Variants in MTHFD1L observed in about 807,000 individuals in gnomAD.
MTHFD1L encodes the protein monofunctional C1-tetrahydrofolate synthase, mitochondrial.
Under a neutral mutation model 119.5 loss-of-function variants are expected in MTHFD1L, and 81 were observed. The observed-to-expected ratio is 0.68, with a 90% confidence interval of 0.57 to 0.82. The LOEUF is 0.82. MTHFD1L is among the 40% of genes least tolerant of loss of function. The pLI is 0.00. For synonymous variants in MTHFD1L, 430 were observed against 475.2 expected (o/e 0.90, Z 1.24); for missense variants, 1,125 against 1,253.4 (o/e 0.90, Z 1.55).
At chr6:150,943,547 G>A (rs941854620) in intron 13 of MTHFD1L, among the ~76,000 whole-genome samples, 1 of 152,076 alleles carries the variant, frequency 6.6e-6, no homozygotes, top group African/African-American at 2.4e-5. Context: ...TTACTCATTA[G>A]CAATTAATTT....
At chr6:150,960,159 T>G in intron 17 of MTHFD1L, 116 bp from the exon 18 acceptor site, 1 of 1,357,762 alleles carries the variant, frequency 7.4e-7, no homozygotes, top group Non-Finnish European at 9.9e-7. Flanking sequence ...GCATGGCCTT[T>G]TGAGGGTAGA....
intron 27 of MTHFD1L, among the ~76,000 whole-genome samples, chr6:151,093,205 C>T (rs1454852427): frequency 6.6e-6 from 1 of 152,184 alleles, no homozygotes; most frequent in Non-Finnish European, 1.5e-5. Flanking sequence ...GGCTGTCACT[C>T]CCTGGCGTTC....
intron 20 of MTHFD1L, among the ~76,000 whole-genome samples, chr6:150,995,129 A>G (rs986034056): frequency 6.6e-6 from 1 of 152,146 alleles, no homozygotes; most frequent in Non-Finnish European, 1.5e-5. Flanking sequence ...TGGCAATTAT[A>G]ACAAATTACT....
intron 26 of MTHFD1L, among the ~76,000 whole-genome samples, chr6:151,053,784 C>G (rs1246372823): frequency 6.7e-6 from 1 of 150,064 alleles, no homozygotes; most frequent in Non-Finnish European, 1.5e-5. Context: ...CTCTTGAACC[C>G]GGGAGGTGGA....
chr6:150,926,099 T>A lies in MTHFD1L; in HGVS notation c.1083-23T>A, dbSNP rs755639831. 1.9e-6 allele frequency: 3 copies of A among 1,598,892 alleles called. No homozygotes were observed. Among genetic ancestry groups the A allele is most frequent in the African/African-American group, 1.3e-5 (1 of 74,630 alleles). The stretch of plus-strand genomic sequence containing the variant: ...CCTAAGCTGAGAAGCCTTTTCTCTC[T>A]TTCGTATTGTCTTTCCCCTCAGTGA... On this transcript the variant is annotated intron_variant, in intron 10 of 27. Coordinates refer to ENST00000367321, the MANE Select transcript of MTHFD1L (RefSeq NM_015440.5). The surrounding 1 kb of genome is among the most constrained non-coding windows in gnomAD (Gnocchi z 4.3).
In MTHFD1L at chr6:150,892,463, C is replaced by G. The variant is rs118162558; in HGVS notation, c.780+4482C>G. On this transcript the variant is annotated intron_variant, in intron 7 of 27. Coordinates refer to ENST00000367321, the MANE Select transcript of MTHFD1L (RefSeq NM_015440.5). Reference sequence around the variant, plus strand: ...GTTTTCATATGGACCAGAAGGTTCTCTTTCATAGTTGATGTTGCACACACG... The same window carrying G: ...GTTTTCATATGGACCAGAAGGTTCTGTTTCATAGTTGATGTTGCACACACG... Among the ~76,000 whole-genome samples, 255 of 152,288 alleles carry G rather than the reference C, an allele frequency of 1.7e-3. 2 individuals carry two copies. Among genetic ancestry groups the G allele is most frequent in the Middle Eastern group, 6.8e-3 (2 of 294 alleles).
chr6:150,941,235 G>T (rs889368734), intron 13 of MTHFD1L, among the ~76,000 whole-genome samples: 4 of 152,188 alleles, frequency 2.6e-5, no homozygotes, highest in Admixed American at 6.5e-5. Flanking sequence ...AAAGGGTGTG[G>T]CCTGTTCAGG....
In MTHFD1L at chr6:150,865,872, A is replaced by G; in HGVS notation, c.50A>G (p.Gln17Arg). The change falls in exon 1 of 28, where the codon CAG becomes CGG. Residue 17 changes from glutamine (Q) to arginine (R), a missense_variant. Coordinates refer to ENST00000367321, the MANE Select transcript of MTHFD1L (RefSeq NM_015440.5). Reference protein sequence around the residue: ...LVLRQLRRPPQPPGPPRRLRV... With the variant: ...LVLRQLRRPPRPPGPPRRLRV... ...CTGCGCCAGCTCCGCCGCCCGCCCC[A>G]GCCCCCGGGCCCTCCGCGCCGCCTC... 8.3e-7 allele frequency: 1 copy of G among 1,203,064 alleles called. No individual in the cohort carries two copies. The highest frequency in any genetic ancestry group is 1.0e-6 in the Non-Finnish European group (1 of 972,334). 74.5% of individuals were successfully genotyped at this position (1,203,064 alleles called of 1,614,324 possible).
At chr6:150,975,704 C>G (rs566186115) in intron 20 of MTHFD1L, among the ~76,000 whole-genome samples, 1 of 151,562 alleles carries the variant, frequency 6.6e-6, no homozygotes, top group South Asian at 2.1e-4. Flanking sequence ...CCACCCTTGT[C>G]TTGCACTTGG....
At chr6:150,897,656 A>G (rs1248051019) in intron 7 of MTHFD1L, among the ~76,000 whole-genome samples, 1 of 152,146 alleles carries the variant, frequency 6.6e-6, no homozygotes, top group Non-Finnish European at 1.5e-5. Context: ...CACAAAAGAG[A>G]GCCTACCCCA....
At position 150,922,930 on chromosome 6, in the gene MTHFD1L, G is replaced by A. The variant is rs530949451; in HGVS notation, c.1082+628G>A. Among the ~76,000 whole-genome samples, 26 of 152,100 alleles carry A rather than the reference G, an allele frequency of 1.7e-4. No homozygotes were observed. The South Asian group carries it at 1.9e-3, about 11-fold the overall frequency. Reference sequence around the variant, plus strand: ...AAGTGCTGGGATTACAGGCGTGAGCGACCACGCCTGGCCTGGCAGTGGTTT... The same window carrying A: ...AAGTGCTGGGATTACAGGCGTGAGCAACCACGCCTGGCCTGGCAGTGGTTT... On this transcript the variant is annotated intron_variant, in intron 10 of 27. Transcript: ENST00000367321.
intron 26 of MTHFD1L, among the ~76,000 whole-genome samples, chr6:151,061,716 C>T (rs1255901924): frequency 6.6e-6 from 1 of 152,118 alleles, no homozygotes; most frequent in African/African-American, 2.4e-5. Flanking sequence ...GTCATTAGCC[C>T]CTCAAAGGGT....
At chr6:150,916,193 A>C (rs1453176784) in intron 8 of MTHFD1L, among the ~76,000 whole-genome samples, 1 of 151,992 alleles carries the variant, frequency 6.6e-6, no homozygotes, top group Non-Finnish European at 1.5e-5. Flanking sequence ...TTGCTATTAG[A>C]AATATTTCTT....
Position 150,974,707 on chromosome 6 carries a change from G to A in MTHFD1L, c.2125+2649G>A, listed in dbSNP as rs115631297. On this transcript the variant is annotated intron_variant, in intron 20 of 27. Transcript: ENST00000367321. The stretch of plus-strand genomic sequence containing the variant: ...TCAAGGTTCATCCATGTTGCAGCAG[G>A]CGTCAGAATTCTCTTCCTTTTTTTT... Among the ~76,000 whole-genome samples, 1,394 of 149,446 alleles carry A rather than the reference G, an allele frequency of 9.3e-3. 26 individuals carry two copies. Among genetic ancestry groups the A allele is most frequent in the African/African-American group, 0.033 (1,335 of 40,142 alleles).
intron 13 of MTHFD1L, chr6:150,939,077 A>C: frequency 4.0e-6 from 1 of 250,018 alleles, no homozygotes. Flanking sequence ...CTGCCTTCCT[A>C]AACTTCAAAA....
chr6:151,013,055 C>T (rs772311397), intron 21 of MTHFD1L, among the ~76,000 whole-genome samples: 4 of 152,178 alleles, frequency 2.6e-5, no homozygotes, highest in Non-Finnish European at 5.9e-5. Flanking sequence ...AAATACTGGA[C>T]ACCCTATGGC....
intron 24 of MTHFD1L, among the ~76,000 whole-genome samples, chr6:151,026,240 C>T (rs1784587501): frequency 6.6e-6 from 1 of 152,204 alleles, no homozygotes; most frequent in Middle Eastern, 3.2e-3. Flanking sequence ...TTTAATAAAG[C>T]ATGAAGGTCA....
intron 20 of MTHFD1L, among the ~76,000 whole-genome samples, chr6:150,982,764 A>G (rs908246084): frequency 6.7e-6 from 1 of 150,224 alleles, no homozygotes; most frequent in East Asian, 2.0e-4. Context: ...CAGTGGCATG[A>G]TCTCAGCTCA....
intron 1 of MTHFD1L, among the ~76,000 whole-genome samples, chr6:150,873,515 A>C (rs1443734985): frequency 6.6e-6 from 1 of 152,138 alleles, no homozygotes; most frequent in Non-Finnish European, 1.5e-5. Context: ...GAGGAATCTG[A>C]GACTCTTAGA....
Sources: allele counts gnomAD v4.1 joint callset (sites outside exome capture counted in the v4.1 genomes callset), GRCh38; gene constraint gnomAD v4.1.1; non-coding constraint Gnocchi (gnomAD v3.1); transcripts MANE v1.5; gene names NCBI Gene and HGNC (gene_info 2026-07-23, HGNC 2026-07-21).